The following KIF26B variants were observed in gnomAD, a reference collection of about 807,000 sequenced individuals.
KIF26B encodes the protein kinesin-like protein KIF26B.
In KIF26B, 63 loss-of-function variants were observed where a neutral mutation model predicts 151.2. The ratio of observed to expected loss-of-function variants is 0.42; its 90% CI spans 0.34 to 0.51. KIF26B has a LOEUF of 0.51. KIF26B is among the 20% of genes least tolerant of loss of function. The pLI, the probability that KIF26B is intolerant of heterozygous loss-of-function variation, is 0.07. For missense variants in KIF26B, 2,813 were observed against 2,913.6 expected (o/e 0.97, Z 0.79); for synonymous variants, 1,357 against 1,262.1 (o/e 1.08, Z -1.59).
intron 2 of KIF26B, among the ~76,000 whole-genome samples, chr1:245,261,386 C>T (rs1670635082): frequency 6.6e-6 from 1 of 152,012 alleles, no homozygotes; most frequent in Non-Finnish European, 1.5e-5. Flanking sequence ...CCACCTTGGC[C>T]TCCCAAAGTG....
Position 245,605,817 on chromosome 1 carries a change from G to A in KIF26B, c.1558-1834G>A, listed in dbSNP as rs868744591. Among the ~76,000 whole-genome samples, 8 of 152,236 alleles carry A rather than the reference G, an allele frequency of 5.3e-5. No individual in the cohort carries two copies. In the South Asian group the frequency reaches 1.5e-3, roughly 28 times the overall value. ...GAGCCGGGTGGGAACTGTGCCAGGG[G>A]ATGCCGCCCCAACTCTGCACAGCAG... On this transcript the variant is annotated intron_variant, in intron 6 of 14. Coordinates refer to ENST00000407071, the MANE Select transcript of KIF26B (RefSeq NM_018012.4).
In KIF26B at chr1:245,708,663, C is replaced by G. The variant is rs1383828587; in HGVS notation, c.*6057C>G. Reference sequence around the variant, plus strand: ...TGATATATTCCATAGGACAGAAAACCTGAGTTCTAATTCCAGCTTTGCCAG... The same window carrying G: ...TGATATATTCCATAGGACAGAAAACGTGAGTTCTAATTCCAGCTTTGCCAG... On this transcript the variant is annotated 3_prime_UTR_variant, in exon 15 of 15. Transcript: ENST00000407071. The G allele has an allele frequency of 6.6e-6, 1 of 152,134 alleles. No individual in the cohort carries two copies. The highest frequency in any genetic ancestry group is 1.5e-5 in the Non-Finnish European group (1 of 68,042). 9.4% of individuals were successfully genotyped at this position (152,134 alleles called of 1,614,324 possible).
In KIF26B at chr1:245,383,924, T is replaced by G. The variant is rs79856465; in HGVS notation, c.999+16557T>G. 2.9e-3 allele frequency among the ~76,000 whole-genome samples: 441 copies of G among 152,278 alleles called. 3 individuals carry two copies. Among genetic ancestry groups the G allele is most frequent in the African/African-American group, 0.01 (417 of 41,556 alleles). Reference sequence around the variant, plus strand: ...AACGTGTGCCTGGGTTGCTAAAACTTGCGGAACGTGTATCAGCTGTTGAAA... The same window carrying G: ...AACGTGTGCCTGGGTTGCTAAAACTGGCGGAACGTGTATCAGCTGTTGAAA... On this transcript the variant is annotated intron_variant, in intron 3 of 14. Coordinates refer to ENST00000407071, the MANE Select transcript of KIF26B (RefSeq NM_018012.4).
intron 2 of KIF26B, among the ~76,000 whole-genome samples, chr1:245,173,609 C>T (rs73125040): frequency 0.036 from 5,480 of 152,212 alleles, 312 homozygotes; most frequent in African/African-American, 0.12. Flanking sequence ...AGACGCGGGC[C>T]GGGGAGGCTG....
At chr1:245,155,818 C>G (rs530522660) in intron 1 of KIF26B, among the ~76,000 whole-genome samples, 1 of 152,230 alleles carries the variant, frequency 6.6e-6, no homozygotes, top group Non-Finnish European at 1.5e-5. Flanking sequence ...TTAGCTGGAG[C>G]CGTGAGAGCC....
intron 2 of KIF26B, among the ~76,000 whole-genome samples, chr1:245,288,973 G>A (rs563784535): frequency 1.3e-5 from 2 of 152,168 alleles, no homozygotes; most frequent in South Asian, 2.1e-4. Context: ...TATGACACAG[G>A]CAGCTAACAT....
At chr1:245,206,073 T>C (rs955211935) in intron 2 of KIF26B, among the ~76,000 whole-genome samples, 2 of 152,094 alleles carry the variant, frequency 1.3e-5, no homozygotes, top group African/African-American at 4.8e-5. Context: ...GTCTTTGCCA[T>C]CCTCAGAGAA....
At chr1:245,228,972 C>A (rs1015000676) in intron 2 of KIF26B, among the ~76,000 whole-genome samples, 1 of 151,872 alleles carries the variant, frequency 6.6e-6, no homozygotes, top group Middle Eastern at 3.4e-3. Flanking sequence ...TATTGTATTT[C>A]TTTATTTATT....
intron 9 of KIF26B, among the ~76,000 whole-genome samples, chr1:245,643,948 G>T (rs555979686): frequency 6.6e-6 from 1 of 151,970 alleles, no homozygotes; most frequent in South Asian, 2.1e-4. Flanking sequence ...GGTTTTGGGC[G>T]GTTTGGTTAT....
chr1:245,346,948 G>C (rs1385166683), intron 2 of KIF26B, among the ~76,000 whole-genome samples: 1 of 151,914 alleles, frequency 6.6e-6, no homozygotes, highest in Non-Finnish European at 1.5e-5. Flanking sequence ...TCATTACCTT[G>C]CTTTACTATC....
At chr1:245,160,525 A>G (rs1360626955) in intron 2 of KIF26B, among the ~76,000 whole-genome samples, 1 of 152,210 alleles carries the variant, frequency 6.6e-6, no homozygotes, top group African/African-American at 2.4e-5. Context: ...GAACTTTTGA[A>G]TGGACTGGGC....
In KIF26B at chr1:245,685,533, C is replaced by T. The variant is rs765221697; in HGVS notation, c.2550C>T (p.Ser850=). The T allele has an allele frequency of 1.9e-5, 30 of 1,613,732 alleles. No homozygotes were observed. Among genetic ancestry groups the T allele is most frequent in the Admixed American group, 8.3e-5 (5 of 60,002 alleles). ...ACTTCCCCATCGCTCACCTGTCCAG[C>T]GACCCCGACTACTCCTCCAGCAGCG... is the stretch of plus-strand genomic sequence containing the variant. ...DPDFPIAHLS[S]DPDYSSSSEQ... is the part of the protein sequence containing the mutation. The change falls in exon 12 of 15, where the codon AGC becomes AGT. Residue 850 remains serine (S), a synonymous_variant. Transcript: ENST00000407071.
intron 9 of KIF26B, among the ~76,000 whole-genome samples, chr1:245,632,183 C>T (rs2043788107): frequency 6.6e-6 from 1 of 152,164 alleles, no homozygotes; most frequent in Non-Finnish European, 1.5e-5. Flanking sequence ...CTCTAAACCC[C>T]TCTTACTACT....
intron 2 of KIF26B, among the ~76,000 whole-genome samples, chr1:245,335,759 A>G (rs1304814850): frequency 6.9e-6 from 1 of 145,722 alleles, no homozygotes; most frequent in African/African-American, 2.6e-5. Context: ...ACGCAGGGAG[A>G]GTCCCACGCA....
At chr1:245,427,425 A>G (rs544969367) in intron 4 of KIF26B, among the ~76,000 whole-genome samples, 108 of 152,296 alleles carry the variant, frequency 7.1e-4, no homozygotes, top group African/African-American at 2.5e-3. Context: ...CTTGACCAAC[A>G]TGGAGAAACC....
chr1:245,429,415 C>G (rs1658726529), intron 4 of KIF26B, among the ~76,000 whole-genome samples: 1 of 152,108 alleles, frequency 6.6e-6, no homozygotes, highest in African/African-American at 2.4e-5. Flanking sequence ...TCTCTGAGAA[C>G]AAAAACCACC....
chr1:245,522,572 T>A (rs550725366), intron 4 of KIF26B, among the ~76,000 whole-genome samples: 2 of 152,102 alleles, frequency 1.3e-5, no homozygotes, highest in South Asian at 4.2e-4. Context: ...CAGCTGGTGG[T>A]TTTCAGGGCA....
At chr1:245,380,955 G>GGAAAAAAAAAAA in intron 3 of KIF26B, among the ~76,000 whole-genome samples, 1 of 77,932 alleles carries the variant, frequency 1.3e-5, no homozygotes, top group Non-Finnish European at 2.9e-5. Context: ...CCAAAAAGAT[G>GGAAAAAAAAAAA]AAAAAAAAAA....
chr1:245,559,907 T>C (rs2042923345), intron 5 of KIF26B, among the ~76,000 whole-genome samples: 1 of 152,134 alleles, frequency 6.6e-6, no homozygotes, highest in Non-Finnish European at 1.5e-5. Context: ...ATCAGTATTT[T>C]CAATGTTTTG....
Sources: allele counts gnomAD v4.1 joint callset (sites outside exome capture counted in the v4.1 genomes callset), GRCh38; gene constraint gnomAD v4.1.1; transcripts MANE v1.5; gene names NCBI Gene and HGNC (gene_info 2026-07-23, HGNC 2026-07-21).